MAP3K20: variants seen among roughly 807,000 people sequenced by gnomAD.
MAP3K20 encodes the protein HCCS-4.
A neutral mutation model predicts 85.7 loss-of-function variants in MAP3K20; 40 were observed. The ratio of observed to expected loss-of-function variants is 0.47; its 90% CI spans 0.36 to 0.61. The LOEUF (loss-of-function observed/expected upper bound fraction) is 0.61, where lower values mean the gene tolerates loss of function less well. Ranked by LOEUF, MAP3K20 falls within the 20% of genes least tolerant of loss-of-function variation. The pLI, the probability that MAP3K20 is intolerant of heterozygous loss-of-function variation, is 0.00. For synonymous variants in MAP3K20, 325 were observed against 327.7 expected, an observed-to-expected ratio of 0.99 and a Z score of 0.09; for missense variants, 817 against 961.7, an observed-to-expected ratio of 0.85 and a Z score of 1.99.
intron 14 of MAP3K20, 85 bp from the exon 15 acceptor site, chr2:173,238,288 G>C (rs1430002921): frequency 8.7e-7 from 1 of 1,147,194 alleles, no homozygotes. Flanking sequence ...AGGTAAATAA[G>C]GAATGTTTTT....
intron 3 of MAP3K20, among the ~76,000 whole-genome samples, chr2:173,175,751 T>G (rs1255986698): frequency 6.6e-6 from 1 of 152,188 alleles, no homozygotes; most frequent in African/African-American, 2.4e-5. Flanking sequence ...TCTGATGTGC[T>G]TTGGAGGTTG....
chr2:173,154,871 T>C (rs983558964), intron 2 of MAP3K20, among the ~76,000 whole-genome samples: 6 of 152,164 alleles, frequency 3.9e-5, no homozygotes, highest in Admixed American at 3.3e-4. Context: ...TTAGCATTAC[T>C]ATAGAAATCC....
intron 2 of MAP3K20, among the ~76,000 whole-genome samples, chr2:173,139,359 G>C (rs972637448): frequency 2.6e-5 from 4 of 152,162 alleles, no homozygotes; most frequent in Admixed American, 1.3e-4. Context: ...TTATGAAGGA[G>C]AACTCAGTAG....
Position 173,261,335 on chromosome 2 carries a change from A to G in MAP3K20, c.1551+198A>G, listed in dbSNP as rs554865051. ...TGTTGGGAAGAAAAGAGAACAGGATAAACTTACCCAGATAGCGACTGAGGT... is the reference window on the plus strand; with the variant it reads ...TGTTGGGAAGAAAAGAGAACAGGATGAACTTACCCAGATAGCGACTGAGGT... On this transcript the variant is annotated intron_variant, in intron 18 of 19. Coordinates refer to ENST00000375213, the MANE Select transcript of MAP3K20 (RefSeq NM_016653.3). 7.2e-5 allele frequency among the ~76,000 whole-genome samples: 11 copies of G among 152,348 alleles called. No homozygotes were observed. In the South Asian group the frequency reaches 2.1e-3, roughly 29 times the overall value.
chr2:173,213,382 T>G (rs1039792673), intron 10 of MAP3K20, among the ~76,000 whole-genome samples: 1 of 152,182 alleles, frequency 6.6e-6, no homozygotes, highest in African/African-American at 2.4e-5. Context: ...AGAGAGAATA[T>G]ATATCTTGAC....
chr2:173,203,460 A>C (rs1016927509), intron 8 of MAP3K20, among the ~76,000 whole-genome samples: 1 of 152,214 alleles, frequency 6.6e-6, no homozygotes, highest in African/African-American at 2.4e-5. Flanking sequence ...GCCTATAAAC[A>C]TACAGTGACA....
At chr2:173,245,182 A>T (rs1272359511) in intron 16 of MAP3K20, among the ~76,000 whole-genome samples, 1 of 152,204 alleles carries the variant, frequency 6.6e-6, no homozygotes, top group East Asian at 1.9e-4. Context: ...ACTAAGAGCA[A>T]GCCAGGAAAA....
At chr2:173,228,928 G>A (rs1216105671) in intron 11 of MAP3K20, among the ~76,000 whole-genome samples, 1 of 152,184 alleles carries the variant, frequency 6.6e-6, no homozygotes, top group Non-Finnish European at 1.5e-5. Context: ...GCTAGTTAAA[G>A]CTAATAGCTG....
intron 2 of MAP3K20, among the ~76,000 whole-genome samples, chr2:173,123,178 C>A (rs908425319): frequency 1.3e-5 from 2 of 152,208 alleles, no homozygotes; most frequent in African/African-American, 2.4e-5. Flanking sequence ...AAGTTTCAGT[C>A]AACCAACCAA....
chr2:173,253,247 C>A (rs915592511), intron 16 of MAP3K20, among the ~76,000 whole-genome samples: 6 of 152,162 alleles, frequency 3.9e-5, no homozygotes, highest in Non-Finnish European at 8.8e-5. Context: ...TGTTGGTGAC[C>A]ATATTGGTAA....
chr2:173,095,832 T>G (rs1349076874), intron 2 of MAP3K20, among the ~76,000 whole-genome samples: 3 of 152,210 alleles, frequency 2.0e-5, no homozygotes, highest in Non-Finnish European at 4.4e-5. Context: ...CAAAACATTA[T>G]ATACAATATG....
chr2:173,133,798 CA>C (rs1364801952), intron 2 of MAP3K20, among the ~76,000 whole-genome samples: 3 of 151,292 alleles, frequency 2.0e-5, no homozygotes, highest in African/African-American at 7.3e-5. Flanking sequence ...TCCTGGCTAA[CA>C]TGGTGAAACC....
chr2:173,167,077 T>C (rs1007707439), intron 2 of MAP3K20, among the ~76,000 whole-genome samples: 2 of 151,984 alleles, frequency 1.3e-5, no homozygotes, highest in African/African-American at 4.8e-5. Context: ...CACGCCCGGC[T>C]AATTTTTTTT....
chr2:173,211,417 A>C (rs1683888104), intron 10 of MAP3K20: 1 of 152,206 alleles, frequency 6.6e-6, no homozygotes, highest in South Asian at 2.1e-4. Flanking sequence ...GGATCTTTAC[A>C]AGCAGTTTCC....
At chr2:173,248,285 A>T (rs1256069588) in intron 16 of MAP3K20, among the ~76,000 whole-genome samples, 1 of 152,070 alleles carries the variant, frequency 6.6e-6, no homozygotes, top group African/African-American at 2.4e-5. Flanking sequence ...AAAAAAATAT[A>T]CTAGTTGGGA....
chr2:173,151,968 T>C (rs763811931), intron 2 of MAP3K20, among the ~76,000 whole-genome samples: 10 of 152,230 alleles, frequency 6.6e-5, no homozygotes, highest in Non-Finnish European at 1.2e-4. Flanking sequence ...TGCAAAAGAA[T>C]TATAATAAAC....
chr2:173,222,678 G>A, intron 11 of MAP3K20: 2 of 985,166 alleles, frequency 2.0e-6, no homozygotes, highest in Non-Finnish European at 2.4e-6. Flanking sequence ...AAAAGAAATA[G>A]TAAAGATAAG....
intron 16 of MAP3K20, among the ~76,000 whole-genome samples, chr2:173,249,470 TACTAAC>T (rs1396300068): frequency 9.2e-5 from 14 of 152,356 alleles, no homozygotes; most frequent in Admixed American, 2.6e-4. Flanking sequence ...AAACAATGCC[TACTAAC>T]TAGGTTAGTG....
rs746819805 is a variant in MAP3K20 at position 173,209,905 on chromosome 2, G to A, written c.851+70G>A. 8.4e-6 allele frequency: 11 copies of A among 1,309,018 alleles called. 1 individual carries two copies. Among genetic ancestry groups the A allele is most frequent in the Middle Eastern group, 3.6e-4 (2 of 5,492 alleles). The allele number at this position is 1,309,018 out of a possible 1,614,324, so 81.1% of individuals were successfully genotyped here. A position where few individuals can be genotyped will look rare whatever the true frequency, so the allele number is the denominator to read the frequency against. ...CCATCACTCGTCTCAATGAAGAAGT[G>A]AACCAGAGATCTGAATGACAGTCCT... is the stretch of plus-strand genomic sequence containing the variant. On this transcript the variant is annotated intron_variant, in intron 10 of 19. Transcript: ENST00000375213.
Sources: allele counts gnomAD v4.1 joint callset (sites outside exome capture counted in the v4.1 genomes callset), GRCh38; gene constraint gnomAD v4.1.1; transcripts MANE v1.5; gene names NCBI Gene and HGNC (gene_info 2026-07-23, HGNC 2026-07-21).